AK4: variants seen among roughly 807,000 people sequenced by gnomAD.
The protein encoded by AK4 is adenylate kinase 4, also known as adenylate kinase 4, mitochondrial.
AK4 carries 13 observed loss-of-function variants against 24.6 expected under a neutral mutation model. The ratio of observed to expected loss-of-function variants is 0.53; its 90% confidence interval spans 0.34 to 0.84. AK4 has a LOEUF of 0.84. Among genes scored for constraint, AK4 ranks in the 40% least tolerant of loss-of-function variants. The pLI, the probability that AK4 is intolerant of heterozygous loss-of-function variation, is 0.01. For missense variants in AK4, 192 were observed against 288.2 expected (o/e 0.67, Z 2.42); for synonymous variants, 88 against 107.0 (o/e 0.82, Z 1.10).
intron 1 of AK4, among the ~76,000 whole-genome samples, chr1:65,181,285 C>T (rs1024420414): frequency 6.6e-6 from 1 of 151,704 alleles, no homozygotes; most frequent in Non-Finnish European, 1.5e-5. Flanking sequence ...TAATGATTCT[C>T]TTGCTTTACC....
At chr1:65,185,259 C>T (rs1476894596) in intron 1 of AK4, among the ~76,000 whole-genome samples, 1 of 152,218 alleles carries the variant, frequency 6.6e-6, no homozygotes, top group Admixed American at 6.5e-5. Context: ...TAGTGCTCTG[C>T]TGTTGTCATC....
chr1:65,189,364 C>T lies in AK4; in HGVS notation c.146-1346C>T, dbSNP rs138123960. ...CTCAATCTCGGCTCACTGCAACCTG[C>T]GCCTCCTGGGTTCAAGTGATTCTCA... On this transcript the variant is annotated intron_variant, in intron 1 of 4. Coordinates refer to ENST00000327299, the MANE Select transcript of AK4 (RefSeq NM_013410.4). Among the ~76,000 whole-genome samples, 899 of 148,354 alleles carry T rather than the reference C, an allele frequency of 6.1e-3. 12 individuals carry two copies. The highest frequency in any genetic ancestry group is 0.029 in the Middle Eastern group (8 of 274).
intron 2 of AK4, among the ~76,000 whole-genome samples, chr1:65,214,180 C>T (rs558884072): frequency 7.2e-5 from 11 of 152,268 alleles, no homozygotes; most frequent in Admixed American, 1.3e-4. Context: ...GGCACGATCT[C>T]GGCTCACTAC....
At chr1:65,173,095 C>A (rs1650594869) in intron 1 of AK4, among the ~76,000 whole-genome samples, 1 of 152,014 alleles carries the variant, frequency 6.6e-6, no homozygotes, top group African/African-American at 2.4e-5. Context: ...AATGCCTGAC[C>A]TCAAGTGATC....
intron 1 of AK4, among the ~76,000 whole-genome samples, chr1:65,190,213 A>T (rs1570108213): frequency 6.7e-6 from 1 of 149,018 alleles, no homozygotes; most frequent in Admixed American, 6.7e-5. Flanking sequence ...TTTCTTGACC[A>T]ATTTATCTTT....
intron 1 of AK4, among the ~76,000 whole-genome samples, chr1:65,169,360 G>A (rs902298754): frequency 4.6e-5 from 7 of 152,048 alleles, no homozygotes; most frequent in Admixed American, 2.0e-4. Flanking sequence ...ATTGATTTAT[G>A]CCAAATGACT....
chr1:65,189,896 C>G (rs1486745754), intron 1 of AK4, among the ~76,000 whole-genome samples: 1 of 152,206 alleles, frequency 6.6e-6, no homozygotes, highest in Non-Finnish European at 1.5e-5. Context: ...ATTGTGTCAG[C>G]AAGGTTCCAT....
intron 2 of AK4, among the ~76,000 whole-genome samples, chr1:65,213,316 A>G (rs1275808664): frequency 6.6e-6 from 1 of 152,176 alleles, no homozygotes; most frequent in Non-Finnish European, 1.5e-5. Context: ...AGAGTCAGGT[A>G]GGTGATGAAA....
At chr1:65,191,075 T>C (rs561496979) in intron 2 of AK4, among the ~76,000 whole-genome samples, 1 of 152,376 alleles carries the variant, frequency 6.6e-6, no homozygotes, top group African/African-American at 2.4e-5. Flanking sequence ...CTGTTATTGC[T>C]TCAGCCCTTT....
chr1:65,189,465 A>C (rs1651219793), intron 1 of AK4, among the ~76,000 whole-genome samples: 1 of 151,416 alleles, frequency 6.6e-6, no homozygotes. Context: ...TTTAGTAGAG[A>C]CAGGGTTTCT....
At chr1:65,167,324 G>A (rs1557442016) in intron 1 of AK4, among the ~76,000 whole-genome samples, 1 of 152,024 alleles carries the variant, frequency 6.6e-6, no homozygotes, top group Non-Finnish European at 1.5e-5. Context: ...TGCATAACTG[G>A]TAGAACAGCC....
chr1:65,175,508 T>A lies in AK4; in HGVS notation c.146-15202T>A, dbSNP rs147453138. On this transcript the variant is annotated intron_variant, in intron 1 of 4. Coordinates refer to ENST00000327299, the MANE Select transcript of AK4 (RefSeq NM_013410.4). ...CAACAAGGTGCATGGCACAGCCGGA[T>A]AGATTCACACTCTGGGCCTTGTGCA... Among the ~76,000 whole-genome samples the A allele has an allele frequency of 4.1e-3, 620 of 152,342 alleles. 5 individuals carry two copies. Among genetic ancestry groups the A allele is most frequent in the African/African-American group, 0.014 (596 of 41,586 alleles).
rs146007974 is a variant in AK4 at position 65,162,193 on chromosome 1, C to T, written c.145+13641C>T. On this transcript the variant is annotated intron_variant, in intron 1 of 4. Transcript: ENST00000327299. Reference sequence around the variant, plus strand: ...CCCAGGAGGTGGAGGCTGCAGTGAGCTATGGTCACACCACCGCACTCTAGC... The same window carrying T: ...CCCAGGAGGTGGAGGCTGCAGTGAGTTATGGTCACACCACCGCACTCTAGC... Among the ~76,000 whole-genome samples the T allele has an allele frequency of 7.6e-3, 1,155 of 152,180 alleles. 13 individuals carry two copies. Among genetic ancestry groups the T allele is most frequent in the African/African-American group, 0.026 (1,094 of 41,518 alleles).
intron 2 of AK4, among the ~76,000 whole-genome samples, chr1:65,192,368 G>C (rs183236010): frequency 7.2e-5 from 11 of 152,272 alleles, no homozygotes; most frequent in Admixed American, 2.0e-4. Context: ...CCACTTCTGT[G>C]ATAAGAGCAT....
intron 1 of AK4, among the ~76,000 whole-genome samples, chr1:65,152,360 C>CTCTCTCTCTA (rs1277948363): frequency 4.3e-4 from 12 of 27,960 alleles, no homozygotes; most frequent in Admixed American, 7.5e-4. Flanking sequence ...CTCTCTCTCT[C>CTCTCTCTCTA]TATATATATA....
chr1:65,223,154 G>A (rs895525706), intron 3 of AK4, among the ~76,000 whole-genome samples: 3 of 151,422 alleles, frequency 2.0e-5, no homozygotes, highest in African/African-American at 7.3e-5. Flanking sequence ...TAGTGGTTAA[G>A]AGTTTCACTA....
At chr1:65,191,666 T>C (rs1431983070) in intron 2 of AK4, among the ~76,000 whole-genome samples, 1 of 151,792 alleles carries the variant, frequency 6.6e-6, no homozygotes, top group Non-Finnish European at 1.5e-5. Flanking sequence ...GGATAGCCTT[T>C]GATTTTGCCA....
At chr1:65,175,276 TC>T (rs1370909352) in intron 1 of AK4, among the ~76,000 whole-genome samples, 1 of 152,200 alleles carries the variant, frequency 6.6e-6, no homozygotes, top group South Asian at 2.1e-4. Context: ...TGTTCCCGTT[TC>T]CCTTCCGGAG....
chr1:65,172,593 C>G (rs906805591), intron 1 of AK4, among the ~76,000 whole-genome samples: 6 of 152,110 alleles, frequency 3.9e-5, no homozygotes, highest in Admixed American at 2.6e-4. Flanking sequence ...GCCTGATGCA[C>G]TACAGGCGGT....
Sources: allele counts gnomAD v4.1 joint callset (sites outside exome capture counted in the v4.1 genomes callset), GRCh38; gene constraint gnomAD v4.1.1; transcripts MANE v1.5; gene names NCBI Gene and HGNC (gene_info 2026-07-23, HGNC 2026-07-21).